ADAM2: variants seen among roughly 807,000 people sequenced by gnomAD.
ADAM2 encodes ADAM metallopeptidase domain 2.
In ADAM2, 101 loss-of-function variants were observed where a neutral mutation model predicts 99.3. The ratio of observed to expected loss-of-function variants is 1.02; its 90% confidence interval spans 0.87 to 1.20. ADAM2 has a LOEUF of 1.20. Ranked by LOEUF, ADAM2 falls within the 50% of genes most tolerant of loss-of-function variation. ADAM2 has a pLI of 0.00. For missense variants in ADAM2, 948 were observed against 878.7 expected (o/e 1.08, Z -1.00); for synonymous variants, 323 against 287.6 (o/e 1.12, Z -1.25).
At chr8:39,799,218 A>G (rs1017246760) in intron 7 of ADAM2, among the ~76,000 whole-genome samples, 1 of 152,166 alleles carries the variant, frequency 6.6e-6, no homozygotes, top group Non-Finnish European at 1.5e-5. Context: ...GCTGTGTCCC[A>G]GAGATTCTGT....
chr8:39,781,654 T>TACTA lies in ADAM2; in HGVS notation c.892-4497_892-4494dup, dbSNP rs1803235681. ...GGATAAAATGCCTCAATATTGTTGA[T>TACTA]ACTAATCTCTCTTGATCTAAAGTTT... On this transcript the variant is annotated intron_variant, in intron 10 of 20. Coordinates refer to ENST00000265708, the MANE Select transcript of ADAM2 (RefSeq NM_001464.5). Among the ~76,000 whole-genome samples, 4 of 152,334 alleles carry TACTA rather than the reference T, an allele frequency of 2.6e-5. No homozygotes were observed. In the South Asian group the frequency reaches 8.3e-4, roughly 32 times the overall value.
chr8:39,817,601 A>G (rs1348909350), intron 6 of ADAM2, among the ~76,000 whole-genome samples: 5 of 152,194 alleles, frequency 3.3e-5, no homozygotes, highest in Admixed American at 2.0e-4. Context: ...TTTGTATCCC[A>G]TAAGTGTGAT....
chr8:39,753,047 T>A (rs1438924153), intron 16 of ADAM2, among the ~76,000 whole-genome samples: 1 of 152,170 alleles, frequency 6.6e-6, no homozygotes, highest in African/African-American at 2.4e-5. Flanking sequence ...GAAGCGATTT[T>A]GGAACTGGGT....
chr8:39,810,669 T>A (rs1432571510), intron 6 of ADAM2, among the ~76,000 whole-genome samples: 1 of 152,184 alleles, frequency 6.6e-6, no homozygotes, highest in East Asian at 1.9e-4. Flanking sequence ...CTGAACAACC[T>A]GCTCCTGAAT....
intron 7 of ADAM2, among the ~76,000 whole-genome samples, chr8:39,807,002 T>C (rs1279052928): frequency 1.3e-5 from 2 of 152,042 alleles, no homozygotes; most frequent in Non-Finnish European, 2.9e-5. Flanking sequence ...CTGAAGGTGA[T>C]TCAGAGATGA....
At chr8:39,801,416 A>T (rs575259686) in intron 7 of ADAM2, among the ~76,000 whole-genome samples, 1 of 152,238 alleles carries the variant, frequency 6.6e-6, no homozygotes, top group African/African-American at 2.4e-5. Flanking sequence ...TCTGACCTTG[A>T]GGGGCACCAA....
intron 7 of ADAM2, among the ~76,000 whole-genome samples, chr8:39,794,577 C>T (rs1286373535): frequency 6.6e-6 from 1 of 152,102 alleles, no homozygotes; most frequent in African/African-American, 2.4e-5. Flanking sequence ...AAAGATCGAC[C>T]CCTGACCTAA....
chr8:39,837,026 T>C, intron 2 of ADAM2, 110 bp downstream of exon 2: 1 of 753,994 alleles, frequency 1.3e-6, no homozygotes, highest in Non-Finnish European at 2.0e-6. Flanking sequence ...AAATTTGGTA[T>C]AAATATAAAA....
chr8:39,828,837 T>C (rs908660462), intron 3 of ADAM2, among the ~76,000 whole-genome samples: 2 of 151,892 alleles, frequency 1.3e-5, no homozygotes, highest in Non-Finnish European at 1.5e-5. Flanking sequence ...CACTGGATGC[T>C]AATTTGAAAG....
intron 11 of ADAM2, among the ~76,000 whole-genome samples, chr8:39,771,417 A>C (rs1379286298): frequency 6.6e-6 from 1 of 152,162 alleles, no homozygotes; most frequent in African/African-American, 2.4e-5. Flanking sequence ...CTTTTAAAGG[A>C]GTGCACTATT....
intron 14 of ADAM2, 70 bp downstream of exon 14, chr8:39,766,778 T>A: frequency 1.0e-6 from 1 of 982,018 alleles, no homozygotes; most frequent in East Asian, 2.4e-5. Flanking sequence ...CACAATCATG[T>A]ATCAGCATCT....
At chr8:39,815,646 G>C (rs1015956161) in intron 6 of ADAM2, among the ~76,000 whole-genome samples, 1 of 152,102 alleles carries the variant, frequency 6.6e-6, no homozygotes, top group Admixed American at 6.6e-5. Context: ...TTGGGAAATG[G>C]GGCAGGGAAT....
At chr8:39,776,564 C>T (rs909412117) in intron 11 of ADAM2, among the ~76,000 whole-genome samples, 1 of 152,004 alleles carries the variant, frequency 6.6e-6, no homozygotes, top group African/African-American at 2.4e-5. Flanking sequence ...TTCACTAGAT[C>T]GTTGAGGCCT....
chr8:39,752,596 G>A (rs1331392266), intron 16 of ADAM2, among the ~76,000 whole-genome samples: 1 of 152,178 alleles, frequency 6.6e-6, no homozygotes, highest in Non-Finnish European at 1.5e-5. Context: ...TAGACTGCTA[G>A]GGAAAGGTGC....
chr8:39,797,727 C>T (rs2129586138), intron 7 of ADAM2, among the ~76,000 whole-genome samples: 1 of 146,726 alleles, frequency 6.8e-6, no homozygotes, highest in East Asian at 2.0e-4. Flanking sequence ...ATTTCCTTGA[C>T]TTTTATTTCT....
rs116778059 is a variant in ADAM2, at chr8:39,752,222, G to A, written c.1798-2478C>T. 3.1e-3 allele frequency among the ~76,000 whole-genome samples: 472 copies of A among 152,282 alleles called. 3 individuals carry two copies. Among genetic ancestry groups the A allele is most frequent in the African/African-American group, 9.9e-3 (410 of 41,560 alleles). ...ATGATCATTTGCACCCCCTACAACA[G>A]TGGCAGAATTAGAAGCAGGTTATAT... On this transcript the variant is annotated intron_variant, in intron 16 of 20. Coordinates refer to ENST00000265708, the MANE Select transcript of ADAM2 (RefSeq NM_001464.5).
chr8:39,767,103 A>G (rs1229520688), intron 13 of ADAM2, 50 bp downstream of exon 13: 2 of 1,598,236 alleles, frequency 1.3e-6, no homozygotes, highest in Non-Finnish European at 8.6e-7. Context: ...AAGCATAATA[A>G]TGATAACTAC....
At chr8:39,793,517 G>A (rs931327531) in intron 7 of ADAM2, among the ~76,000 whole-genome samples, 1 of 152,122 alleles carries the variant, frequency 6.6e-6, no homozygotes, top group East Asian at 1.9e-4. Context: ...TGAGAAACCT[G>A]ACTTGTAACC....
intron 15 of ADAM2, among the ~76,000 whole-genome samples, chr8:39,758,372 T>C (rs1487954937): frequency 1.3e-5 from 2 of 152,066 alleles, no homozygotes; most frequent in Non-Finnish European, 1.5e-5. Context: ...TTTGTGTGTA[T>C]ATTATATGTA....
Sources: allele counts gnomAD v4.1 joint callset (sites outside exome capture counted in the v4.1 genomes callset), GRCh38; gene constraint gnomAD v4.1.1; transcripts MANE v1.5; gene names NCBI Gene and HGNC (gene_info 2026-07-23, HGNC 2026-07-21).